CCDC85A: variants seen among roughly 807,000 people sequenced by gnomAD.
CCDC85A encodes the protein coiled-coil domain-containing protein 85A.
In CCDC85A, 38 loss-of-function variants were observed where a neutral mutation model predicts 50.2. That is an observed-to-expected ratio of 0.76 (90% CI 0.58 to 0.99). The LOEUF (loss-of-function observed/expected upper bound fraction) is 0.99, where lower values mean the gene tolerates loss of function less well. Ranked by LOEUF, CCDC85A falls within the 50% of genes least tolerant of loss-of-function variation. The pLI is 0.00. For synonymous variants in CCDC85A, 366 were observed against 301.4 expected, an observed-to-expected ratio of 1.21 and a Z score of -2.22; for missense variants, 820 against 742.0, an observed-to-expected ratio of 1.11 and a Z score of -1.22.
At chr2:56,341,806 G>A (rs13418501) in intron 2 of CCDC85A, among the ~76,000 whole-genome samples, 3,030 of 152,198 alleles carry the variant, frequency 0.02, 93 homozygotes, top group African/African-American at 0.068. Flanking sequence ...TGAAAAACTT[G>A]GGTCTCTGTC....
chr2:56,259,717 A>G (rs1232237610), intron 2 of CCDC85A, among the ~76,000 whole-genome samples: 2 of 152,170 alleles, frequency 1.3e-5, no homozygotes, highest in Non-Finnish European at 2.9e-5. Context: ...CCTATTCTCC[A>G]AGGACTAGAA....
chr2:56,333,761 GGA>G (rs758154950), intron 2 of CCDC85A, among the ~76,000 whole-genome samples: 5 of 151,982 alleles, frequency 3.3e-5, no homozygotes, highest in Non-Finnish European at 7.4e-5. Context: ...GTGAGAGAGA[GGA>G]ACCACGCATA....
chr2:56,319,756 C>T (rs567118131), intron 2 of CCDC85A, among the ~76,000 whole-genome samples: 1 of 152,132 alleles, frequency 6.6e-6, no homozygotes, highest in South Asian at 2.1e-4. Flanking sequence ...CAGACCAGGA[C>T]CCTGTGTAAT....
At chr2:56,328,107 T>C (rs2104283784) in intron 2 of CCDC85A, among the ~76,000 whole-genome samples, 1 of 152,166 alleles carries the variant, frequency 6.6e-6, no homozygotes, top group South Asian at 2.1e-4. Context: ...ACCCACACTC[T>C]GTCACTGTGC....
chr2:56,349,689 C>T (rs534723897), intron 3 of CCDC85A, among the ~76,000 whole-genome samples: 7 of 152,198 alleles, frequency 4.6e-5, no homozygotes, highest in South Asian at 2.1e-4. Flanking sequence ...AATATGGCCA[C>T]GCTGCTGATT....
intron 2 of CCDC85A, among the ~76,000 whole-genome samples, chr2:56,224,355 C>A (rs761041176): frequency 6.6e-6 from 1 of 152,148 alleles, no homozygotes; most frequent in African/African-American, 2.4e-5. Context: ...TGAAAAAATC[C>A]ATTCATTGAT....
At chr2:56,303,907 G>T (rs746745759) in intron 2 of CCDC85A, among the ~76,000 whole-genome samples, 8 of 152,152 alleles carry the variant, frequency 5.3e-5, no homozygotes, top group Non-Finnish European at 1.2e-4. Flanking sequence ...GTCTGCATGA[G>T]CATTTTGGGA....
intron 2 of CCDC85A, among the ~76,000 whole-genome samples, chr2:56,277,800 C>A (rs1401411154): frequency 2.0e-5 from 3 of 152,186 alleles, no homozygotes; most frequent in South Asian, 2.1e-4. Context: ...TTGGAAAATG[C>A]CATAATGTAG....
intron 2 of CCDC85A, among the ~76,000 whole-genome samples, chr2:56,267,374 A>G (rs973854364): frequency 3.9e-5 from 6 of 152,198 alleles, no homozygotes; most frequent in Admixed American, 6.5e-5. Flanking sequence ...GATTGATTAA[A>G]TATGTTGGGA....
intron 2 of CCDC85A, among the ~76,000 whole-genome samples, chr2:56,196,901 A>C (rs997988679): frequency 6.7e-6 from 1 of 149,178 alleles, no homozygotes; most frequent in Admixed American, 6.7e-5. Context: ...AAAAAAAAAA[A>C]AGGAATTGTT....
Position 56,277,617 on chromosome 2 carries a change from C to T in CCDC85A, c.1241-65262C>T, listed in dbSNP as rs1021960924. 3.3e-5 allele frequency among the ~76,000 whole-genome samples: 5 copies of T among 152,188 alleles called. No individual in the cohort carries two copies. In the South Asian group the frequency reaches 6.2e-4, roughly 19 times the overall value. ...ACATTTCATAATTTTCTGAAACCCT[C>T]GATAGACTTCATATCTTCATTGGTA... On this transcript the variant is annotated intron_variant, in intron 2 of 5. Coordinates refer to ENST00000407595, the MANE Select transcript of CCDC85A (RefSeq NM_001080433.2).
In CCDC85A at chr2:56,193,146, C is replaced by A; in HGVS notation, c.946C>A (p.His316Asn). ...GCACGTGCTGAGTGGGAGCCCGGAA[C>A]ACTTCCAGAAGCACCGGTCAGGGAG... ...PKHVLSGSPE[H>N]FQKHRSGSSP... The change falls in exon 2 of 6, where the codon CAC becomes AAC. Residue 316 changes from histidine to asparagine, a missense_variant. Coordinates refer to ENST00000407595, the MANE Select transcript of CCDC85A (RefSeq NM_001080433.2). 6.2e-7 allele frequency: 1 copy of A among 1,612,690 alleles called. No homozygotes were observed. The highest frequency in any genetic ancestry group is 8.5e-7 in the Non-Finnish European group (1 of 1,178,918).
chr2:56,375,994 T>C, intron 5 of CCDC85A, 59 bp downstream of exon 5: 1 of 1,578,832 alleles, frequency 6.3e-7, no homozygotes, highest in Non-Finnish European at 8.6e-7. Context: ...GCTTGTTCGC[T>C]GTAGTCTAGT....
chr2:56,201,076 C>CTCTCCACACACA (rs150330240), intron 2 of CCDC85A, among the ~76,000 whole-genome samples: 6 of 147,300 alleles, frequency 4.1e-5, no homozygotes, highest in East Asian at 4.0e-4. Flanking sequence ...TCATCTCTCT[C>CTCTCCACACACA]CACACACACA....
chr2:56,202,781 T>C (rs978965102), intron 2 of CCDC85A, among the ~76,000 whole-genome samples: 3 of 152,212 alleles, frequency 2.0e-5, no homozygotes, highest in Non-Finnish European at 2.9e-5. Context: ...TGAACCACTC[T>C]TGAGAATTCA....
intron 2 of CCDC85A, among the ~76,000 whole-genome samples, chr2:56,269,362 T>TGTGTGTG (rs1670599138): frequency 2.0e-5 from 3 of 150,180 alleles, no homozygotes; most frequent in East Asian, 2.0e-4. Flanking sequence ...TGTGTGTGTG[T>TGTGTGTG]TTGAAGGAGG....
intron 2 of CCDC85A, among the ~76,000 whole-genome samples, chr2:56,259,903 G>T (rs920049860): frequency 1.3e-5 from 2 of 152,190 alleles, no homozygotes; most frequent in African/African-American, 4.8e-5. Context: ...TAAGGGCCAG[G>T]TTGATAGCTG....
chr2:56,328,222 C>T (rs1225885792), intron 2 of CCDC85A, among the ~76,000 whole-genome samples: 2 of 151,924 alleles, frequency 1.3e-5, no homozygotes, highest in South Asian at 2.1e-4. Context: ...AGCAAGACAA[C>T]GAGAGGGTTG....
chr2:56,205,901 G>C (rs192477544), intron 2 of CCDC85A, among the ~76,000 whole-genome samples: 1 of 152,266 alleles, frequency 6.6e-6, no homozygotes, highest in East Asian at 1.9e-4. Context: ...TTGGTGCTGT[G>C]AGCCTGGGAG....
Sources: allele counts gnomAD v4.1 joint callset (sites outside exome capture counted in the v4.1 genomes callset), GRCh38; gene constraint gnomAD v4.1.1; transcripts MANE v1.5; gene names NCBI Gene and HGNC (gene_info 2026-07-23, HGNC 2026-07-21).